FGFR1OP2: variants seen among roughly 807,000 people sequenced by gnomAD.
FGFR1OP2 encodes the protein fibroblast growth factor receptor 1 oncogene partner 2.
Under a neutral mutation model 35.2 loss-of-function variants are expected in FGFR1OP2, and 17 were observed. The ratio of observed to expected loss-of-function variants is 0.48; its 90% CI spans 0.33 to 0.73. The LOEUF (loss-of-function observed/expected upper bound fraction) is 0.73. Among genes scored for constraint, FGFR1OP2 ranks in the 30% least tolerant of loss-of-function variants. FGFR1OP2 has a pLI of 0.02. For missense variants in FGFR1OP2, 251 were observed against 307.3 expected (o/e 0.82, Z 1.37); for synonymous variants, 105 against 104.6 (o/e 1.00, Z -0.03).
chr12:26,954,170 A>T lies in FGFR1OP2; in HGVS notation c.12A>T (p.Thr4=). 1 of 1,599,932 alleles carries T rather than the reference A, an allele frequency of 6.3e-7. No individual in the cohort carries two copies. Among genetic ancestry groups the T allele is most frequent in the Non-Finnish European group, 8.5e-7 (1 of 1,174,826 alleles). The part of the protein sequence containing the change: MSC[T]IEKALADAKA... ...ATATATCTTTAGAAATGAGTTGCAC[A>T]ATTGAGAAGGCACTTGCCGACGCTA... Residue 4 remains threonine (T), a synonymous_variant, in exon 2 of 7, where the codon ACA becomes ACT. Coordinates refer to ENST00000229395, the MANE Select transcript of FGFR1OP2 (RefSeq NM_015633.3).
chr12:26,957,260 T>TCTTGA (rs1939036442), intron 3 of FGFR1OP2, among the ~76,000 whole-genome samples: 1 of 152,190 alleles, frequency 6.6e-6, no homozygotes, highest in Admixed American at 6.5e-5. Context: ...CATAGACATC[T>TCTTGA]CTTAAATCTA....
intron 5 of FGFR1OP2, chr12:26,962,483 T>C (rs1237035865): frequency 6.6e-6 from 1 of 152,196 alleles, no homozygotes; most frequent in Non-Finnish European, 1.5e-5. Context: ...CTGTGAATAA[T>C]GGTCTATAGA....
intron 1 of FGFR1OP2, among the ~76,000 whole-genome samples, chr12:26,950,224 T>G (rs1048054513): frequency 9.0e-6 from 1 of 111,342 alleles, no homozygotes. Context: ...TTTTTTTTTT[T>G]TTTTTTTTTT....
At chr12:26,938,828 C>T (rs938052012) in intron 1 of FGFR1OP2, 118 bp downstream of exon 1, 3 of 152,234 alleles carry the variant, frequency 2.0e-5, no homozygotes, top group African/African-American at 7.2e-5. Flanking sequence ...GGCGCCCGGC[C>T]CTGTCCGCTT....
intron 1 of FGFR1OP2, among the ~76,000 whole-genome samples, chr12:26,950,210 G>A (rs146238566): frequency 2.0e-4 from 6 of 29,744 alleles, no homozygotes; most frequent in African/African-American, 7.3e-4. Flanking sequence ...TAATGTATTC[G>A]TTGTTTTTTT....
intron 3 of FGFR1OP2, 56 bp from the exon 4 acceptor site, chr12:26,957,545 A>G (rs1295881177): frequency 2.7e-6 from 4 of 1,506,352 alleles, no homozygotes; most frequent in Non-Finnish European, 3.6e-6. Context: ...GTGGAAGAGA[A>G]TATTTTGTGT....
chr12:26,954,255 A>G lies in FGFR1OP2; in HGVS notation c.97A>G (p.Thr33Ala). Residue 33 changes from threonine to alanine, a missense_variant, in exon 2 of 7, where the codon ACC (threonine) becomes GCC (alanine). By Grantham distance (58) the Thr-to-Ala change is moderately conservative. Coordinates refer to ENST00000229395, the MANE Select transcript of FGFR1OP2 (RefSeq NM_015633.3). ...DDAAESLIEQTTALNKRVEAM... is the reference protein window; with the variant it reads ...DDAAESLIEQATALNKRVEAM... ...TGCAGCAGAATCTCTGATTGAGCAA[A>G]CCACAGCTCTCAACAAGCGAGTAGA... The G allele has an allele frequency of 1.2e-6, 2 of 1,611,256 alleles. No individual in the cohort carries two copies. Among genetic ancestry groups the G allele is most frequent in the South Asian group, 2.2e-5 (2 of 90,488 alleles).
At chr12:26,956,682 C>G (rs776570677) in intron 3 of FGFR1OP2, 22 bp downstream of exon 3, 11 of 1,377,092 alleles carry the variant, frequency 8.0e-6, no homozygotes, top group Middle Eastern at 2.0e-4. Context: ...TACTTTTTGA[C>G]ATTAATCCCA....
intron 1 of FGFR1OP2, among the ~76,000 whole-genome samples, chr12:26,939,289 A>G (rs1456410808): frequency 7.5e-6 from 1 of 132,570 alleles, no homozygotes; most frequent in African/African-American, 2.9e-5. Flanking sequence ...CCCGCCCTCC[A>G]CTGGTTTCCC....
chr12:26,939,804 G>T (rs1198277129), intron 1 of FGFR1OP2, among the ~76,000 whole-genome samples: 1 of 152,166 alleles, frequency 6.6e-6, no homozygotes, highest in Non-Finnish European at 1.5e-5. Context: ...CACATAGCAA[G>T]CATTATTTAT....
chr12:26,956,021 T>TC (rs1485931384), intron 2 of FGFR1OP2, among the ~76,000 whole-genome samples: 1 of 152,066 alleles, frequency 6.6e-6, no homozygotes, highest in Non-Finnish European at 1.5e-5. Flanking sequence ...TTATGAGATT[T>TC]TTTTTTTTTA....
intron 1 of FGFR1OP2, among the ~76,000 whole-genome samples, chr12:26,939,102 C>G (rs572183694): frequency 1.3e-5 from 2 of 152,312 alleles, no homozygotes; most frequent in Non-Finnish European, 1.5e-5. Context: ...GGGTATTACT[C>G]TTTTCTGGTT....
At chr12:26,961,513 G>C (rs1010119714) in intron 5 of FGFR1OP2, 1 of 152,142 alleles carries the variant, frequency 6.6e-6, no homozygotes, top group Admixed American at 6.5e-5. Flanking sequence ...GAGGTGGGTG[G>C]ATCACCTGAC....
At chr12:26,957,864 A>C in intron 4 of FGFR1OP2, 121 bp downstream of exon 4, 1 of 718,502 alleles carries the variant, frequency 1.4e-6, no homozygotes, top group Non-Finnish European at 2.0e-6. Flanking sequence ...ATGATGTTGA[A>C]TGTTTCATCT....
intron 1 of FGFR1OP2, among the ~76,000 whole-genome samples, chr12:26,943,641 A>G (rs1186765475): frequency 6.6e-6 from 1 of 152,152 alleles, no homozygotes; most frequent in East Asian, 1.9e-4. Flanking sequence ...CCTGGCCAAC[A>G]TGACGAAACC....
chr12:26,962,505 G>A (rs1490772277), intron 5 of FGFR1OP2: 1 of 152,092 alleles, frequency 6.6e-6, no homozygotes, highest in African/African-American at 2.4e-5. Context: ...GCTGTTCATT[G>A]AGAAAATGAT....
chr12:26,944,461 T>C (rs1316734271), intron 1 of FGFR1OP2, among the ~76,000 whole-genome samples: 1 of 152,242 alleles, frequency 6.6e-6, no homozygotes, highest in Non-Finnish European at 1.5e-5. Flanking sequence ...ATTTTTATTA[T>C]GAAAGTATGC....
chr12:26,960,455 A>G (rs1939086753), intron 4 of FGFR1OP2, 60 bp from the exon 5 acceptor site: 9 of 1,248,414 alleles, frequency 7.2e-6, no homozygotes, highest in Non-Finnish European at 1.0e-5. Context: ...ACTAACACTC[A>G]TTCAGTTTTT....
chr12:26,954,364 T>G lies in FGFR1OP2; in HGVS notation c.135+71T>G, dbSNP rs1014012690. 19 of 1,482,394 alleles carry G rather than the reference T, an allele frequency of 1.3e-5. No individual in the cohort carries two copies. In the Admixed American group the frequency reaches 4.5e-4, roughly 35 times the overall value. The allele number at this position is 1,482,394 out of a possible 1,614,324, so 91.8% of individuals were successfully genotyped here. Reference sequence around the variant, plus strand: ...TTGACATTTATGTATTGCTGGCTAATTAGTATCTAATTTTTTTCAACATTC... The same window carrying G: ...TTGACATTTATGTATTGCTGGCTAAGTAGTATCTAATTTTTTTCAACATTC... On this transcript the variant is annotated intron_variant, in intron 2 of 6. Coordinates refer to ENST00000229395, the MANE Select transcript of FGFR1OP2 (RefSeq NM_015633.3).
Sources: gnomAD v4.1 joint callset for allele counts (sites outside exome capture counted in the v4.1 genomes callset) on GRCh38, gnomAD v4.1.1 for gene constraint, MANE v1.5 for transcripts, NCBI Gene and HGNC (gene_info 2026-07-23, HGNC 2026-07-21) for gene names.